Variants in DCC observed in about 807,000 individuals in gnomAD.
The protein encoded by DCC is DCC netrin 1 receptor.
Under a neutral mutation model 172.5 loss-of-function variants are expected in DCC, and 58 were observed. That is an observed-to-expected ratio of 0.34 (90% CI 0.27 to 0.42). The LOEUF (loss-of-function observed/expected upper bound fraction) is 0.42, where lower values mean the gene tolerates loss of function less well. Among genes scored for constraint, DCC ranks in the 10% least tolerant of loss-of-function variants. DCC has a pLI of 1.00. For synonymous variants in DCC, 709 were observed against 644.5 expected (o/e 1.10, Z -1.52); for missense variants, 1,740 against 1,791.0 (o/e 0.97, Z 0.51).
intron 1 of DCC, among the ~76,000 whole-genome samples, chr18:52,674,817 T>G (rs1319437953): frequency 2.0e-5 from 3 of 152,172 alleles, no homozygotes; most frequent in Admixed American, 2.0e-4. Context: ...GCCAGGGCTG[T>G]TTTAAAATTT....
chr18:53,407,417 T>C (rs1196359459), intron 19 of DCC, among the ~76,000 whole-genome samples: 1 of 150,130 alleles, frequency 6.7e-6, no homozygotes, highest in Non-Finnish European at 1.5e-5. Flanking sequence ...TTTTATCCTT[T>C]TGAAGAGGTA....
chr18:53,358,159 C>G (rs4405620), intron 15 of DCC, among the ~76,000 whole-genome samples: 2 of 151,788 alleles, frequency 1.3e-5, no homozygotes, highest in Non-Finnish European at 1.5e-5. Flanking sequence ...AAAAATATAT[C>G]TTGTTTTTTT....
At position 53,402,964 on chromosome 18, in the gene DCC, T is replaced by A. The variant is rs1312014165; in HGVS notation, c.2935+71T>A. ...ATAATTGCTTACCCCCTACATGAGC[T>A]GCTCCTGCCTTTCGTGTGGCATTAT... is the stretch of plus-strand genomic sequence containing the variant. On this transcript the variant is annotated intron_variant, in intron 19 of 28. Transcript: ENST00000442544. 7 of 1,061,480 alleles carry A rather than the reference T, an allele frequency of 6.6e-6. No homozygotes were observed. In the East Asian group the frequency reaches 1.7e-4, roughly 25 times the overall value. The allele number at this position is 1,061,480 out of a possible 1,614,324, so 65.8% of individuals were successfully genotyped here.
At chr18:52,994,798 T>G (rs1402602976) in intron 5 of DCC, among the ~76,000 whole-genome samples, 3 of 152,186 alleles carry the variant, frequency 2.0e-5, no homozygotes, top group Non-Finnish European at 2.9e-5. Flanking sequence ...TCCCATGATG[T>G]TTTAATGTTT....
chr18:53,358,156 T>C (rs1160177486), intron 15 of DCC, among the ~76,000 whole-genome samples: 1 of 152,150 alleles, frequency 6.6e-6, no homozygotes, highest in East Asian at 1.9e-4. Flanking sequence ...AAGAAAAATA[T>C]ATCTTGTTTT....
intron 1 of DCC, among the ~76,000 whole-genome samples, chr18:52,547,599 A>T (rs751001389): frequency 2.0e-5 from 3 of 152,272 alleles, no homozygotes; most frequent in Middle Eastern, 3.4e-3. Flanking sequence ...AGACATTTGA[A>T]AGACCAGTGA....
intron 2 of DCC, among the ~76,000 whole-genome samples, chr18:52,868,510 A>G (rs944555163): frequency 6.6e-5 from 10 of 152,224 alleles, no homozygotes; most frequent in Admixed American, 4.6e-4. Flanking sequence ...GAAATTTGAC[A>G]TGGCTGACTC....
chr18:52,626,750 T>G (rs565903260), intron 1 of DCC, among the ~76,000 whole-genome samples: 67 of 152,346 alleles, frequency 4.4e-4, no homozygotes, highest in African/African-American at 1.5e-3. Context: ...ACATGCTGCG[T>G]ACTATGTTGA....
chr18:53,445,216 G>A (rs73960159), intron 22 of DCC, among the ~76,000 whole-genome samples: 4,427 of 152,194 alleles, frequency 0.029, 235 homozygotes, highest in African/African-American at 0.1. Flanking sequence ...ACTTTGAAAC[G>A]ATCAAGGCCG....
intron 15 of DCC, among the ~76,000 whole-genome samples, chr18:53,347,410 A>T (rs940997346): frequency 1.3e-5 from 2 of 152,138 alleles, no homozygotes; most frequent in Non-Finnish European, 2.9e-5. Context: ...GAGATGGATG[A>T]GCCAAAAAGA....
chr18:52,993,873 C>T (rs1370604651), intron 5 of DCC, among the ~76,000 whole-genome samples: 1 of 151,752 alleles, frequency 6.6e-6, no homozygotes, highest in Non-Finnish European at 1.5e-5. Context: ...CTCTCTCTCT[C>T]TGTAATGTGG....
chr18:52,396,777 C>T (rs981756931), intron 1 of DCC, among the ~76,000 whole-genome samples: 6 of 151,900 alleles, frequency 3.9e-5, no homozygotes, highest in African/African-American at 9.7e-5. Context: ...TGATTCATAA[C>T]GGATGGGTCA....
intron 12 of DCC, among the ~76,000 whole-genome samples, chr18:53,266,499 C>A (rs1488485659): frequency 6.6e-6 from 1 of 152,096 alleles, no homozygotes; most frequent in Non-Finnish European, 1.5e-5. Context: ...CAACCCAATG[C>A]CTTTGATCCC....
chr18:52,807,274 C>T (rs986743006), intron 2 of DCC, among the ~76,000 whole-genome samples: 6 of 152,140 alleles, frequency 3.9e-5, no homozygotes, highest in Admixed American at 6.5e-5. Context: ...CGCACTGCGC[C>T]TCCTGCCTCT....
intron 5 of DCC, among the ~76,000 whole-genome samples, chr18:53,033,307 G>A (rs146635883): frequency 6.6e-6 from 1 of 152,104 alleles, no homozygotes; most frequent in African/African-American, 2.4e-5. Context: ...CCTAAATTAT[G>A]TTGATTCCCA....
intron 1 of DCC, among the ~76,000 whole-genome samples, chr18:52,392,628 G>A (rs1986072471): frequency 6.6e-6 from 1 of 152,092 alleles, no homozygotes; most frequent in African/African-American, 2.4e-5. Context: ...ATGTGTGTGT[G>A]TGTAGGTGAG....
chr18:53,501,612 A>G (rs1257010240), intron 27 of DCC, among the ~76,000 whole-genome samples: 1 of 152,208 alleles, frequency 6.6e-6, no homozygotes, highest in Non-Finnish European at 1.5e-5. Flanking sequence ...TGGTAGCAAC[A>G]AAAAGTAAAG....
chr18:52,445,450 C>T (rs138649064), intron 1 of DCC, among the ~76,000 whole-genome samples: 163 of 152,214 alleles, frequency 1.1e-3, no homozygotes, highest in African/African-American at 3.8e-3. Context: ...GAGAAAAACA[C>T]TGTAACAAAA....
chr18:52,754,526 A>G (rs1048552945), intron 2 of DCC, among the ~76,000 whole-genome samples: 1 of 152,196 alleles, frequency 6.6e-6, no homozygotes, highest in Admixed American at 6.5e-5. Context: ...AGACGTCTGT[A>G]ATCTGCAACC....
Sources: allele counts gnomAD v4.1 joint callset (sites outside exome capture counted in the v4.1 genomes callset), GRCh38; gene constraint gnomAD v4.1.1; transcripts MANE v1.5; gene names NCBI Gene and HGNC (gene_info 2026-07-23, HGNC 2026-07-21).